The following ATP10D variants were observed in gnomAD, a reference collection of about 807,000 sequenced individuals.
The protein encoded by ATP10D is phospholipid-transporting ATPase VD.
In ATP10D, 89 loss-of-function variants were observed where a neutral mutation model predicts 144.8. The observed-to-expected ratio is 0.61, with a 90% CI of 0.52 to 0.73. The LOEUF (loss-of-function observed/expected upper bound fraction) is 0.73. Ranked by LOEUF, ATP10D falls within the 30% of genes least tolerant of loss-of-function variation. The probability of loss-of-function intolerance (pLI) is 0.00; values close to 1 mark genes in which losing one functional copy is unlikely to be tolerated. For missense variants in ATP10D, 1,603 were observed against 1,714.8 expected, an observed-to-expected ratio of 0.93 and a Z score of 1.15; for synonymous variants, 571 against 615.1, an observed-to-expected ratio of 0.93 and a Z score of 1.06.
chr4:47,565,513 T>C (rs1293979994), intron 15 of ATP10D, among the ~76,000 whole-genome samples: 6 of 152,190 alleles, frequency 3.9e-5, no homozygotes, highest in African/African-American at 1.4e-4. Flanking sequence ...TGACTGAGTA[T>C]GTGGCCTTAG....
chr4:47,576,884 C>T lies in ATP10D; in HGVS notation c.3478C>T (p.Pro1160Ser). ...CAACCTCCTCTTCACATCTGCCCCT[C>T]CTGTCATTTATGGTGTTTTGGAGAA... is the stretch of plus-strand genomic sequence containing the variant. ...FFNLLFTSAP[P>S]VIYGVLEKDV... Residue 1160 changes from proline to serine, a missense_variant, in exon 19 of 23, where the codon CCT (proline) becomes TCT (serine). By Grantham distance (74) the Pro-to-Ser change is moderately conservative. Transcript: ENST00000273859. 1 of 1,614,170 alleles carries T rather than the reference C, an allele frequency of 6.2e-7. No homozygotes were observed. The highest frequency in any genetic ancestry group is 1.1e-5 in the South Asian group (1 of 91,084).
chr4:47,558,321 A>G, intron 12 of ATP10D, 48 bp downstream of exon 12: 1 of 1,577,044 alleles, frequency 6.3e-7, no homozygotes, highest in Non-Finnish European at 8.6e-7. Flanking sequence ...AAGCTCGGAG[A>G]TTAAAAGACC....
intron 9 of ATP10D, among the ~76,000 whole-genome samples, chr4:47,542,633 A>G (rs1288200839): frequency 4.0e-5 from 6 of 151,448 alleles, no homozygotes; most frequent in Non-Finnish European, 8.8e-5. Context: ...GCCCGCCACC[A>G]CACCCAGCTA....
At chr4:47,513,506 T>C (rs1057059064) in intron 2 of ATP10D, among the ~76,000 whole-genome samples, 2 of 152,048 alleles carry the variant, frequency 1.3e-5, no homozygotes, top group Non-Finnish European at 1.5e-5. Context: ...ACTGGAGCAA[T>C]AGAAGGGGAA....
At chr4:47,499,077 T>TAACG in intron 1 of ATP10D, among the ~76,000 whole-genome samples, 1 of 152,230 alleles carries the variant, frequency 6.6e-6, no homozygotes, top group East Asian at 1.9e-4. Flanking sequence ...GTTAGTCTTT[T>TAACG]AACGCTCTTA....
chr4:47,525,648 T>TA lies in ATP10D; in HGVS notation c.776+8dup. 6.3e-7 allele frequency: 1 copy of TA among 1,595,354 alleles called. No individual in the cohort carries two copies. The highest frequency in any genetic ancestry group is 8.6e-7 in the Non-Finnish European group (1 of 1,163,218). ...AGCAGATTCCGAGGCTTCCTGTGAG[T>TA]AATACATGATGAACATTTGTGGGTG... is the stretch of plus-strand genomic sequence containing the variant. On this transcript the variant is annotated splice_region_variant and intron_variant, in intron 5 of 22. Coordinates refer to ENST00000273859, the MANE Select transcript of ATP10D (RefSeq NM_020453.4).
chr4:47,520,730 G>A (rs150176519), intron 3 of ATP10D, among the ~76,000 whole-genome samples: 27 of 151,976 alleles, frequency 1.8e-4, no homozygotes, highest in African/African-American at 2.2e-4. Context: ...CATCATACCC[G>A]GCTAATTTTT....
At position 47,565,020 on chromosome 4, in the gene ATP10D, G is replaced by A. The variant is rs566262490; in HGVS notation, c.2853+1255G>A. 7.8e-3 allele frequency among the ~76,000 whole-genome samples: 1,194 copies of A among 152,326 alleles called. 18 individuals carry two copies. Among genetic ancestry groups the A allele is most frequent in the African/African-American group, 0.027 (1,110 of 41,566 alleles). On this transcript the variant is annotated intron_variant, in intron 15 of 22. Coordinates refer to ENST00000273859, the MANE Select transcript of ATP10D (RefSeq NM_020453.4). ...GCAGCCCAGGCTGGAGCGCTATGGC[G>A]CGATCTCGGCTCACTGCAAGCTCCG...
intron 1 of ATP10D, among the ~76,000 whole-genome samples, chr4:47,509,247 C>CA (rs1560414876): frequency 0.011 from 45 of 4,206 alleles, 2 homozygotes; most frequent in Admixed American, 0.021. Flanking sequence ...TCTTTTTATT[C>CA]GTTTACAAAA....
intron 21 of ATP10D, among the ~76,000 whole-genome samples, chr4:47,583,478 G>A (rs1327172497): frequency 6.6e-6 from 1 of 152,146 alleles, no homozygotes; most frequent in East Asian, 1.9e-4. Flanking sequence ...TATTTGCTTT[G>A]CTTACAATCA....
intron 2 of ATP10D, among the ~76,000 whole-genome samples, 197 bp downstream of exon 2, chr4:47,513,027 CT>C (rs1397504555): frequency 6.6e-6 from 1 of 152,148 alleles, no homozygotes; most frequent in East Asian, 1.9e-4. Flanking sequence ...GGTGTTTTCT[CT>C]TTACCAGAAA....
intron 9 of ATP10D, among the ~76,000 whole-genome samples, chr4:47,542,725 C>T (rs1044979126): frequency 2.0e-5 from 3 of 150,018 alleles, no homozygotes; most frequent in African/African-American, 7.4e-5. Context: ...GTGATCCACC[C>T]ACCTCGGCCT....
intron 2 of ATP10D, 39 bp from the exon 3 acceptor site, chr4:47,515,437 T>C (rs769952411): frequency 1.9e-6 from 3 of 1,538,510 alleles, no homozygotes; most frequent in Non-Finnish European, 2.6e-6. Flanking sequence ...GTCCTTGAAG[T>C]AACTTCTTAA....
At chr4:47,583,214 G>C (rs1720613828) in intron 21 of ATP10D, 1 of 152,178 alleles carries the variant, frequency 6.6e-6, no homozygotes, top group Admixed American at 6.5e-5. Flanking sequence ...GCGAGGGTAG[G>C]GTTCATGCCT....
At chr4:47,523,962 T>C (rs1717104393) in intron 4 of ATP10D, among the ~76,000 whole-genome samples, 1 of 152,210 alleles carries the variant, frequency 6.6e-6, no homozygotes, top group Non-Finnish European at 1.5e-5. Flanking sequence ...AGTCTCGCTC[T>C]ATAGCCCAGG....
intron 5 of ATP10D, among the ~76,000 whole-genome samples, chr4:47,533,678 A>G (rs1717682005): frequency 1.3e-5 from 2 of 152,200 alleles, no homozygotes; most frequent in African/African-American, 4.8e-5. Flanking sequence ...TTGCCACTGT[A>G]GCAATTTAGT....
In ATP10D at chr4:47,592,470, T is replaced by C. The variant is rs1391881397; in HGVS notation, c.*1089T>C. ...AATGTCTATAGCAAGTTTACTCCTATTGCGAATCATGTATGCTGGCTTTAG... is the reference window on the plus strand; with the variant it reads ...AATGTCTATAGCAAGTTTACTCCTACTGCGAATCATGTATGCTGGCTTTAG... On this transcript the variant is annotated 3_prime_UTR_variant, in exon 23 of 23. Transcript: ENST00000273859. 6.6e-6 allele frequency: 1 copy of C among 152,580 alleles called. No homozygotes were observed. Among genetic ancestry groups the C allele is most frequent in the Non-Finnish European group, 1.5e-5 (1 of 68,004 alleles). The allele number at this position is 152,580 out of a possible 1,614,324, so 9.5% of individuals were successfully genotyped here. A position where few individuals can be genotyped will look rare whatever the true frequency, so the allele number is the denominator to read the frequency against.
chr4:47,534,782 AT>A (rs1049156449), intron 5 of ATP10D, among the ~76,000 whole-genome samples: 2 of 152,048 alleles, frequency 1.3e-5, no homozygotes, highest in African/African-American at 4.8e-5. Context: ...TGCTTGGAAT[AT>A]TTTTTTATAG....
chr4:47,514,856 A>T (rs910664962), intron 2 of ATP10D, among the ~76,000 whole-genome samples: 1 of 151,710 alleles, frequency 6.6e-6, no homozygotes, highest in Admixed American at 6.6e-5. Flanking sequence ...CTAAATTTTT[A>T]TGAACTTTTA....
Sources: gnomAD v4.1 joint callset for allele counts (sites outside exome capture counted in the v4.1 genomes callset) on GRCh38, gnomAD v4.1.1 for gene constraint, MANE v1.5 for transcripts, NCBI Gene and HGNC (gene_info 2026-07-23, HGNC 2026-07-21) for gene names.